Variants in PPP3R1 observed in about 807,000 individuals in gnomAD.
PPP3R1 encodes protein phosphatase 3 regulatory subunit B, alpha, also known as calcineurin subunit B type 1.
Under a neutral mutation model 22.6 loss-of-function variants are expected in PPP3R1, and 5 were observed. The observed-to-expected ratio is 0.22, with a 90% CI of 0.12 to 0.46. The LOEUF is 0.46. PPP3R1 is among the 20% of genes least tolerant of loss of function. PPP3R1 has a pLI of 0.99. For synonymous variants in PPP3R1, 56 were observed against 65.2 expected, an observed-to-expected ratio of 0.86 and a Z score of 0.68; for missense variants, 61 against 203.2, an observed-to-expected ratio of 0.30 and a Z score of 4.25.
chr2:68,198,758 G>A lies in PPP3R1; in HGVS notation c.44-10068C>T, dbSNP rs191323428. On this transcript the variant is annotated intron_variant, in intron 2 of 5. Coordinates refer to ENST00000234310, the MANE Select transcript of PPP3R1 (RefSeq NM_000945.4). The stretch of plus-strand genomic sequence containing the variant: ...TTGGGAAGGTCTTGAGGAAGCTATA[G>A]ATAAGTCTGAGTAGAACTGACATCT... Among the ~76,000 whole-genome samples, 20 of 152,258 alleles carry A rather than the reference G, an allele frequency of 1.3e-4. No individual in the cohort carries two copies. The East Asian group carries it at 3.7e-3, about 28-fold the overall frequency.
At chr2:68,185,740 G>T (rs1164399226) in intron 5 of PPP3R1, among the ~76,000 whole-genome samples, 1 of 152,006 alleles carries the variant, frequency 6.6e-6, no homozygotes, top group African/African-American at 2.4e-5. Flanking sequence ...ATGGCTTGCG[G>T]TAGCGCCCCC....
At position 68,252,086 on chromosome 2, in the gene PPP3R1, A is replaced by C. The variant is rs774374253; in HGVS notation, c.3+39T>G. ...CGCACCCGACCCGGACGGCGGCAGT[A>C]GGGGGAGGGATGGTGCATCGAGGAA... On this transcript the variant is annotated intron_variant, in intron 1 of 5. Transcript: ENST00000234310. The C allele has an allele frequency of 1.1e-5, 16 of 1,394,368 alleles. No homozygotes were observed. In the African/African-American group the frequency reaches 2.3e-4, roughly 20 times the overall value. 86.4% of individuals were successfully genotyped at this position (1,394,368 alleles called of 1,614,324 possible).
chr2:68,252,344 A>T lies in PPP3R1; in HGVS notation c.-217T>A, dbSNP rs1670386707. 1 of 1,010,514 alleles carries T rather than the reference A, an allele frequency of 9.9e-7. No homozygotes were observed. Among genetic ancestry groups the T allele is most frequent in the African/African-American group, 1.7e-5 (1 of 57,376 alleles). The allele number at this position is 1,010,514 out of a possible 1,614,324, so 62.6% of individuals were successfully genotyped here. A position where few individuals can be genotyped will look rare whatever the true frequency, so the allele number is the denominator to read the frequency against. On this transcript the variant is annotated 5_prime_UTR_variant, in exon 1 of 6. Coordinates refer to ENST00000234310, the MANE Select transcript of PPP3R1 (RefSeq NM_000945.4). The stretch of plus-strand genomic sequence containing the variant: ...CGGGCAGGGTAGGGGGAAATAAATT[A>T]AGGTCGAGATTCAGAGCCGGAGAGC...
At chr2:68,186,753 G>A in intron 4 of PPP3R1, 101 bp from the exon 5 acceptor site, 3 of 1,077,746 alleles carry the variant, frequency 2.8e-6, no homozygotes, top group Non-Finnish European at 4.0e-6. Flanking sequence ...TCAAAATTAT[G>A]ACTATGAGGA....
At chr2:68,240,878 G>A (rs1405067502) in intron 1 of PPP3R1, among the ~76,000 whole-genome samples, 1 of 152,090 alleles carries the variant, frequency 6.6e-6, no homozygotes, top group African/African-American at 2.4e-5. Flanking sequence ...AGAGAGTCTT[G>A]GACCAAACCT....
At position 68,243,280 on chromosome 2, in the gene PPP3R1, T is replaced by C. The variant is rs572386578; in HGVS notation, c.3+8845A>G. Reference sequence around the variant, plus strand: ...ATCCAAAGACAAACCCAGGAATACATTTATCAAAATGTTATTCCTGCGCCA... The same window carrying C: ...ATCCAAAGACAAACCCAGGAATACACTTATCAAAATGTTATTCCTGCGCCA... On this transcript the variant is annotated intron_variant, in intron 1 of 5. Transcript: ENST00000234310. Among the ~76,000 whole-genome samples the C allele has an allele frequency of 2.8e-3, 425 of 152,266 alleles. 2 individuals are homozygous for C. The highest frequency in any genetic ancestry group is 6.5e-3 in the African/African-American group (271 of 41,552).
chr2:68,192,240 T>C (rs980182308), intron 2 of PPP3R1, among the ~76,000 whole-genome samples: 1 of 152,134 alleles, frequency 6.6e-6, no homozygotes, highest in African/African-American at 2.4e-5. Flanking sequence ...AGTTAATTAT[T>C]TTCTTCTTCC....
chr2:68,202,241 T>C (rs1023301455), intron 2 of PPP3R1, among the ~76,000 whole-genome samples: 2 of 152,228 alleles, frequency 1.3e-5, no homozygotes, highest in African/African-American at 4.8e-5. Flanking sequence ...CTAGCTAAAG[T>C]AACTGATTTC....
chr2:68,193,550 A>C (rs758629122), intron 2 of PPP3R1, among the ~76,000 whole-genome samples: 2 of 152,164 alleles, frequency 1.3e-5, no homozygotes, highest in Non-Finnish European at 2.9e-5. Flanking sequence ...TAAAGCCAAG[A>C]TCTACGAAAG....
chr2:68,210,412 C>T (rs1188742540), intron 2 of PPP3R1, among the ~76,000 whole-genome samples: 1 of 152,194 alleles, frequency 6.6e-6, no homozygotes, highest in African/African-American at 2.4e-5. Context: ...AAATATTTGA[C>T]AATAGCAATT....
At chr2:68,250,826 T>C (rs952351811) in intron 1 of PPP3R1, among the ~76,000 whole-genome samples, 54 of 152,228 alleles carry the variant, frequency 3.5e-4, no homozygotes, top group African/African-American at 1.3e-3. Context: ...TACCTGAATA[T>C]TCTAATTTCA....
intron 1 of PPP3R1, among the ~76,000 whole-genome samples, chr2:68,233,021 T>C (rs1669949561): frequency 6.6e-6 from 1 of 152,238 alleles, no homozygotes; most frequent in Non-Finnish European, 1.5e-5. Context: ...CTTTCTTATT[T>C]GCTTATTCTT....
rs547263483 is a variant in PPP3R1 at position 68,242,031 on chromosome 2, C to A, written c.3+10094G>T. ...ACTCGTAGATATTGTGAATGAAGAA[C>A]TGAATTTACACTTTTACTTAACTTT... On this transcript the variant is annotated intron_variant, in intron 1 of 5. Coordinates refer to ENST00000234310, the MANE Select transcript of PPP3R1 (RefSeq NM_000945.4). Among the ~76,000 whole-genome samples the A allele has an allele frequency of 2.3e-4, 35 of 152,290 alleles. No individual in the cohort carries two copies. The South Asian group carries it at 7.0e-3, about 31-fold the overall frequency.
chr2:68,241,741 G>A (rs1670141869), intron 1 of PPP3R1, among the ~76,000 whole-genome samples: 1 of 151,808 alleles, frequency 6.6e-6, no homozygotes, highest in Non-Finnish European at 1.5e-5. Flanking sequence ...CTACTCAGAA[G>A]GCTGAAGCAG....
At chr2:68,200,516 C>T (rs918762147) in intron 2 of PPP3R1, among the ~76,000 whole-genome samples, 1 of 152,094 alleles carries the variant, frequency 6.6e-6, no homozygotes, top group Non-Finnish European at 1.5e-5. Flanking sequence ...AGCCATGTAA[C>T]GTAAGCAGTC....
At chr2:68,234,531 C>T (rs1311978738) in intron 1 of PPP3R1, among the ~76,000 whole-genome samples, 1 of 152,162 alleles carries the variant, frequency 6.6e-6, no homozygotes, top group Non-Finnish European at 1.5e-5. Flanking sequence ...CATCTTAGAA[C>T]ACTTAAATTC....
At chr2:68,198,166 T>C (rs946979651) in intron 2 of PPP3R1, among the ~76,000 whole-genome samples, 1 of 140,616 alleles carries the variant, frequency 7.1e-6, no homozygotes, top group Non-Finnish European at 1.5e-5. Context: ...TATGTAAATA[T>C]ATACATACAT....
intron 2 of PPP3R1, among the ~76,000 whole-genome samples, chr2:68,197,991 A>G (rs7581181): frequency 1.4e-5 from 2 of 146,162 alleles, no homozygotes; most frequent in African/African-American, 2.5e-5. Context: ...ATAGAAAAAT[A>G]ATGACTTTTT....
intron 2 of PPP3R1, among the ~76,000 whole-genome samples, chr2:68,199,250 C>G (rs1365257508): frequency 6.6e-6 from 1 of 152,178 alleles, no homozygotes; most frequent in Non-Finnish European, 1.5e-5. Context: ...GCGTGAGCCA[C>G]CGCTCCCAGA....
Sources: gnomAD v4.1 joint callset for allele counts (sites outside exome capture counted in the v4.1 genomes callset) on GRCh38, gnomAD v4.1.1 for gene constraint, MANE v1.5 for transcripts, NCBI Gene and HGNC (gene_info 2026-07-23, HGNC 2026-07-21) for gene names.